Variants in TMEM117 observed in about 807,000 individuals in gnomAD.
TMEM117 encodes the protein transmembrane protein 117.
TMEM117 carries 27 observed loss-of-function variants against 52.4 expected under a neutral mutation model. That is an observed-to-expected ratio of 0.51 (90% confidence interval 0.38 to 0.71). TMEM117 has a LOEUF of 0.71. TMEM117 is among the 30% of genes least tolerant of loss of function. The pLI is 0.00. For missense variants in TMEM117, 556 were observed against 630.5 expected (o/e 0.88, Z 1.26); for synonymous variants, 215 against 206.3 (o/e 1.04, Z -0.36).
intron 3 of TMEM117, among the ~76,000 whole-genome samples, chr12:44,015,433 A>G (rs915937403): frequency 6.6e-6 from 1 of 152,170 alleles, no homozygotes; most frequent in Non-Finnish European, 1.5e-5. Context: ...TTTGGATTGT[A>G]TGATTCTGAG....
At chr12:43,983,370 C>T (rs1455537735) in intron 3 of TMEM117, among the ~76,000 whole-genome samples, 1 of 152,050 alleles carries the variant, frequency 6.6e-6, no homozygotes, top group East Asian at 1.9e-4. Context: ...GCCAAGTTCA[C>T]AGTCTGTGAG....
At chr12:43,862,533 G>A (rs1380182337) in intron 2 of TMEM117, among the ~76,000 whole-genome samples, 1 of 152,222 alleles carries the variant, frequency 6.6e-6, no homozygotes, top group Admixed American at 6.5e-5. Flanking sequence ...CTAACGTCCT[G>A]AATGCCTGAC....
At chr12:44,384,517 G>C (rs1952062450) in intron 7 of TMEM117, among the ~76,000 whole-genome samples, 1 of 151,974 alleles carries the variant, frequency 6.6e-6, no homozygotes, top group Admixed American at 6.6e-5. Context: ...TCTTTCCTCA[G>C]GGCCAATACT....
intron 5 of TMEM117, among the ~76,000 whole-genome samples, chr12:44,232,394 T>G (rs1460753161): frequency 6.6e-6 from 1 of 151,494 alleles, no homozygotes; most frequent in Non-Finnish European, 1.5e-5. Context: ...TGGTCTGCAG[T>G]GCTACCTTTG....
intron 3 of TMEM117, among the ~76,000 whole-genome samples, chr12:44,098,436 A>G (rs888963010): frequency 2.0e-5 from 3 of 152,028 alleles, no homozygotes; most frequent in African/African-American, 7.2e-5. Flanking sequence ...TTCTGAGACC[A>G]TGCTAACTCT....
intron 3 of TMEM117, among the ~76,000 whole-genome samples, chr12:43,998,118 A>G (rs1242879217): frequency 6.6e-6 from 1 of 152,198 alleles, no homozygotes; most frequent in African/African-American, 2.4e-5. Context: ...GGAAGGTAAA[A>G]TCTATAGCAA....
In TMEM117 at chr12:44,378,245, G is replaced by GA. The variant is rs374457076; in HGVS notation, c.898+1530dup. 7.9e-4 allele frequency among the ~76,000 whole-genome samples: 117 copies of GA among 147,682 alleles called. No individual in the cohort carries two copies. The East Asian group carries it at 9.7e-3, about 12-fold the overall frequency. ...AGTACAGAACTTCAGGTTAAAAAAGGAAAAAAAAATGGAGAGCCCATTGGT... is the reference window on the plus strand; with the variant it reads ...AGTACAGAACTTCAGGTTAAAAAAGGAAAAAAAAAATGGAGAGCCCATTGGT... On this transcript the variant is annotated intron_variant, in intron 7 of 7. Transcript: ENST00000266534.
At chr12:44,217,181 GT>G (rs1380527680) in intron 5 of TMEM117, among the ~76,000 whole-genome samples, 1 of 152,174 alleles carries the variant, frequency 6.6e-6, no homozygotes, top group Non-Finnish European at 1.5e-5. Context: ...AGGCAGAAGA[GT>G]TTTGGTAATA....
chr12:44,236,245 G>T (rs1229740643), intron 5 of TMEM117, among the ~76,000 whole-genome samples: 1 of 151,616 alleles, frequency 6.6e-6, no homozygotes, highest in Non-Finnish European at 1.5e-5. Flanking sequence ...TCTATCTGAG[G>T]TGCCAGTTAA....
At chr12:44,206,148 A>G (rs890347785) in intron 4 of TMEM117, among the ~76,000 whole-genome samples, 1 of 152,208 alleles carries the variant, frequency 6.6e-6, no homozygotes, top group African/African-American at 2.4e-5. Context: ...GTTCTAGGGT[A>G]CATGTGCACA....
At chr12:44,057,199 TG>T (rs1317149378) in intron 3 of TMEM117, among the ~76,000 whole-genome samples, 6 of 152,124 alleles carry the variant, frequency 3.9e-5, no homozygotes, top group African/African-American at 1.4e-4. Flanking sequence ...GTATCTAAAT[TG>T]CCCAGTTGCT....
chr12:44,330,415 A>C (rs1951254261), intron 6 of TMEM117, among the ~76,000 whole-genome samples: 1 of 152,054 alleles, frequency 6.6e-6, no homozygotes, highest in African/African-American at 2.4e-5. Flanking sequence ...TAAGTTTTCT[A>C]GCAGCCACAT....
At chr12:43,932,637 ATTTATTAATCAAAGGAG>A (rs956944242) in intron 2 of TMEM117, among the ~76,000 whole-genome samples, 2 of 152,212 alleles carry the variant, frequency 1.3e-5, no homozygotes, top group Non-Finnish European at 2.9e-5. Context: ...CAGCTTTCTC[ATTTATTAATCAAAGGAG>A]TTGAAATACA....
At chr12:44,094,565 A>G (rs1947726183) in intron 3 of TMEM117, among the ~76,000 whole-genome samples, 1 of 152,140 alleles carries the variant, frequency 6.6e-6, no homozygotes. Flanking sequence ...CACACGGAGC[A>G]ATTCTAGATG....
chr12:43,928,153 T>G lies in TMEM117; in HGVS notation c.278-16057T>G, dbSNP rs189593322. 6.5e-4 allele frequency among the ~76,000 whole-genome samples: 99 copies of G among 152,226 alleles called. 1 individual carries two copies. The highest frequency in any genetic ancestry group is 7.4e-5 in the Non-Finnish European group (5 of 67,974). ...AGCTATTCTAAAGCTGATCAATATC[T>G]TAATCACCTGCTAAATAATAAAAGT... is the stretch of plus-strand genomic sequence containing the variant. On this transcript the variant is annotated intron_variant, in intron 2 of 7. Transcript: ENST00000266534.
intron 3 of TMEM117, among the ~76,000 whole-genome samples, chr12:44,057,509 GT>G (rs1157776229): frequency 1.3e-5 from 2 of 151,998 alleles, no homozygotes; most frequent in East Asian, 3.9e-4. Flanking sequence ...GTCTCTCTGA[GT>G]TAGCATATAG....
At chr12:43,991,709 TGA>T (rs562843291) in intron 3 of TMEM117, among the ~76,000 whole-genome samples, 4 of 149,664 alleles carry the variant, frequency 2.7e-5, no homozygotes, top group African/African-American at 7.3e-5. Context: ...ACGGACAAAA[TGA>T]GAGAGAGAGA....
rs552829440 is a variant in TMEM117 at position 44,262,512 on chromosome 12, A to G, written c.609-37068A>G. Among the ~76,000 whole-genome samples the G allele has an allele frequency of 1.2e-4, 18 of 152,382 alleles. No individual in the cohort carries two copies. The South Asian group carries it at 3.7e-3, about 32-fold the overall frequency. On this transcript the variant is annotated intron_variant, in intron 5 of 7. Transcript: ENST00000266534. ...GTTATCTTGTCCAAACTATAAAAGT[A>G]TAAAAGACCTTCATACTAAGATAGC...
At chr12:43,953,832 CA>C (rs1345971401) in intron 3 of TMEM117, among the ~76,000 whole-genome samples, 1 of 152,148 alleles carries the variant, frequency 6.6e-6, no homozygotes, top group Non-Finnish European at 1.5e-5. Flanking sequence ...CTCTCCCCCC[CA>C]AAACAACAGA....
Sources: allele counts gnomAD v4.1 joint callset (sites outside exome capture counted in the v4.1 genomes callset), GRCh38; gene constraint gnomAD v4.1.1; transcripts MANE v1.5; gene names NCBI Gene and HGNC (gene_info 2026-07-23, HGNC 2026-07-21).